Variants in ERC2 observed in about 807,000 individuals in gnomAD.
The protein encoded by ERC2 is ERC protein 2.
In ERC2, 42 loss-of-function variants were observed where a neutral mutation model predicts 114.8. The observed-to-expected ratio is 0.37, with a 90% CI of 0.29 to 0.47. The LOEUF is 0.47. Ranked by LOEUF, ERC2 falls within the 20% of genes least tolerant of loss-of-function variation. The pLI is 0.99. For missense variants in ERC2, 939 were observed against 1,150.7 expected, an observed-to-expected ratio of 0.82 and a Z score of 2.66; for synonymous variants, 454 against 425.5, an observed-to-expected ratio of 1.07 and a Z score of -0.82.
intron 14 of ERC2, among the ~76,000 whole-genome samples, chr3:55,869,448 C>T (rs777231349): frequency 4.6e-5 from 7 of 152,182 alleles, no homozygotes; most frequent in Non-Finnish European, 1.0e-4. Context: ...TCTGTTTAAT[C>T]ATCAAATTCT....
chr3:55,626,124 G>C (rs896809427), intron 17 of ERC2, among the ~76,000 whole-genome samples: 2 of 152,206 alleles, frequency 1.3e-5, no homozygotes, highest in East Asian at 3.8e-4. Context: ...TAGTAAGTCT[G>C]GAATGAGCAG....
intron 2 of ERC2, among the ~76,000 whole-genome samples, chr3:56,413,863 C>T (rs561449916): frequency 6.6e-6 from 1 of 152,320 alleles, no homozygotes; most frequent in African/African-American, 2.4e-5. Flanking sequence ...TGTTGTTACT[C>T]CGCTTTAATA....
At chr3:56,159,582 G>A (rs1216201189) in intron 4 of ERC2, among the ~76,000 whole-genome samples, 3 of 152,122 alleles carry the variant, frequency 2.0e-5, no homozygotes. Flanking sequence ...AAGATGCTGA[G>A]GTTTGGGGTA....
intron 4 of ERC2, among the ~76,000 whole-genome samples, chr3:56,168,774 C>A (rs2082459352): frequency 6.6e-6 from 1 of 152,172 alleles, no homozygotes; most frequent in Admixed American, 6.5e-5. Flanking sequence ...CAGCTCCATG[C>A]AGAACAACAG....
intron 2 of ERC2, among the ~76,000 whole-genome samples, chr3:56,341,990 A>G (rs564417859): frequency 6.6e-6 from 1 of 152,310 alleles, no homozygotes; most frequent in East Asian, 1.9e-4. Context: ...GCCAAAGGGA[A>G]GCAAGCATGT....
At chr3:56,228,887 C>A (rs1486320341) in intron 3 of ERC2, among the ~76,000 whole-genome samples, 1 of 152,122 alleles carries the variant, frequency 6.6e-6, no homozygotes, top group Non-Finnish European at 1.5e-5. Context: ...CTTGGGCCGC[C>A]TTTATGGCTT....
intron 17 of ERC2, among the ~76,000 whole-genome samples, chr3:55,584,352 T>C (rs1452420244): frequency 6.6e-6 from 1 of 152,128 alleles, no homozygotes; most frequent in Admixed American, 6.5e-5. Context: ...AGGCATGCAG[T>C]CCTTAGAGCC....
intron 7 of ERC2, among the ~76,000 whole-genome samples, chr3:56,080,023 A>C (rs2077157149): frequency 6.6e-6 from 1 of 151,906 alleles, no homozygotes; most frequent in Non-Finnish European, 1.5e-5. Flanking sequence ...ATTGATTTCC[A>C]CCTAATTTCC....
chr3:56,204,908 A>G (rs1306827817), intron 3 of ERC2, among the ~76,000 whole-genome samples: 1 of 148,382 alleles, frequency 6.7e-6, no homozygotes, highest in Non-Finnish European at 1.5e-5. Flanking sequence ...TTTTTTTTTA[A>G]CCATGGGACG....
intron 17 of ERC2, among the ~76,000 whole-genome samples, chr3:55,661,414 T>C (rs1320969071): frequency 6.6e-6 from 1 of 152,184 alleles, no homozygotes; most frequent in African/African-American, 2.4e-5. Flanking sequence ...CCCTGGCTCA[T>C]AGCCCCTTTC....
intron 7 of ERC2, among the ~76,000 whole-genome samples, chr3:56,068,617 G>A (rs1442052497): frequency 2.6e-5 from 4 of 152,022 alleles, no homozygotes; most frequent in African/African-American, 9.7e-5. Context: ...TGCTTCTCTA[G>A]ATCTTTTAGT....
chr3:55,591,535 G>A (rs2057879796), intron 17 of ERC2, among the ~76,000 whole-genome samples: 2 of 151,848 alleles, frequency 1.3e-5, no homozygotes, highest in Non-Finnish European at 2.9e-5. Context: ...CAGGCCAGGA[G>A]CTATTTACGA....
intron 17 of ERC2, among the ~76,000 whole-genome samples, chr3:55,604,039 C>CAG (rs1484436513): frequency 6.6e-6 from 1 of 152,152 alleles, no homozygotes; most frequent in Non-Finnish European, 1.5e-5. Flanking sequence ...GGCTGACTCT[C>CAG]AGAGAGAGAA....
At chr3:55,896,131 C>T (rs1450828376) in intron 13 of ERC2, among the ~76,000 whole-genome samples, 1 of 152,202 alleles carries the variant, frequency 6.6e-6, no homozygotes, top group African/African-American at 2.4e-5. Context: ...TCCTTCATTC[C>T]ACCACCTCGC....
intron 6 of ERC2, among the ~76,000 whole-genome samples, chr3:56,087,226 T>TGTGACATA (rs1266097060): frequency 2.0e-5 from 3 of 150,666 alleles, no homozygotes; most frequent in African/African-American, 7.3e-5. Context: ...TGTAAGAGCA[T>TGTGACATA]GTGACATATG....
intron 17 of ERC2, among the ~76,000 whole-genome samples, chr3:55,652,853 C>G (rs2060691129): frequency 9.8e-6 from 1 of 101,550 alleles, no homozygotes; most frequent in Non-Finnish European, 1.9e-5. Context: ...ATGCAAGACT[C>G]TGTCTCAAAA....
intron 13 of ERC2, among the ~76,000 whole-genome samples, chr3:55,904,415 G>A (rs780582801): frequency 3.3e-5 from 5 of 152,188 alleles, no homozygotes; most frequent in African/African-American, 1.2e-4. Context: ...ATTCGCTGAT[G>A]TGACTTCCAA....
chr3:55,695,953 G>A (rs546121676), intron 16 of ERC2, among the ~76,000 whole-genome samples: 9 of 152,284 alleles, frequency 5.9e-5, no homozygotes, highest in South Asian at 4.1e-4. Context: ...CAGGACGCTC[G>A]AAGATAGAGT....
intron 2 of ERC2, among the ~76,000 whole-genome samples, chr3:56,368,766 C>T (rs1371600313): frequency 1.3e-5 from 2 of 151,752 alleles, no homozygotes; most frequent in East Asian, 1.9e-4. Context: ...CCCCTTCCCA[C>T]AACATCGTCC....
Sources: gnomAD v4.1 joint callset for allele counts (sites outside exome capture counted in the v4.1 genomes callset) on GRCh38, gnomAD v4.1.1 for gene constraint, MANE v1.5 for transcripts, NCBI Gene and HGNC (gene_info 2026-07-23, HGNC 2026-07-21) for gene names.